The following SLC6A17 variants were observed in gnomAD, a reference collection of about 807,000 sequenced individuals.
SLC6A17 encodes the protein solute carrier family 6 member 17.
In SLC6A17, 21 loss-of-function variants were observed where a neutral mutation model predicts 64.5. The ratio of observed to expected loss-of-function variants is 0.33; its 90% CI spans 0.23 to 0.47. The LOEUF (loss-of-function observed/expected upper bound fraction) is 0.47. Ranked by LOEUF, SLC6A17 falls within the 20% of genes least tolerant of loss-of-function variation. The pLI is 1.00. For synonymous variants in SLC6A17, 372 were observed against 399.5 expected (o/e 0.93, Z 0.82); for missense variants, 682 against 963.2 (o/e 0.71, Z 3.86).
chr1:110,154,927 T>C (rs1655716154), intron 1 of SLC6A17, among the ~76,000 whole-genome samples: 1 of 152,200 alleles, frequency 6.6e-6, no homozygotes, highest in Non-Finnish European at 1.5e-5. Context: ...TGCTTCTTCC[T>C]GGTCTTTTCC....
intron 6 of SLC6A17, 72 bp from the exon 7 acceptor site, chr1:110,191,900 G>C: frequency 1.9e-6 from 3 of 1,556,798 alleles, no homozygotes; most frequent in South Asian, 1.2e-5. Context: ...GCTGAGAAAG[G>C]GGGTGTGCAC....
intron 8 of SLC6A17, among the ~76,000 whole-genome samples, chr1:110,193,027 C>T (rs936467966): frequency 6.6e-6 from 1 of 152,170 alleles, no homozygotes; most frequent in Non-Finnish European, 1.5e-5. Flanking sequence ...CAGAACAGTG[C>T]CTTGACATGG....
At position 110,198,136 on chromosome 1, in the gene SLC6A17, G is replaced by A. The variant is rs201626646; in HGVS notation, c.1876G>A (p.Val626Ile). Residue 626 changes from valine to isoleucine, a missense_variant, in exon 12 of 12, where the codon GTC becomes ATC. Around this residue, in one of 3 missense-constraint regions of SLC6A17, gnomAD observed 264 missense variants for 339.5 expected, o/e 0.78. Coordinates refer to ENST00000331565, the MANE Select transcript of SLC6A17 (RefSeq NM_001010898.4). ...CATGGCACTCCTGATCACCCTCATC[G>A]TCGTGGCGACGCTGCCCATCCCTGT... Reference protein sequence around the residue: ...WAMALLITLIVVATLPIPVVF... With the variant: ...WAMALLITLIIVATLPIPVVF... 141 of 1,613,904 alleles carry A rather than the reference G, an allele frequency of 8.7e-5. No homozygotes were observed. Among genetic ancestry groups the A allele is most frequent in the Non-Finnish European group, 4.4e-5 (52 of 1,179,986 alleles).
chr1:110,166,114 C>G (rs1246315204), intron 1 of SLC6A17: 1 of 152,216 alleles, frequency 6.6e-6, no homozygotes, highest in Non-Finnish European at 1.5e-5. Context: ...CAGAAGTCCT[C>G]AGATAATGTC....
At chr1:110,158,080 G>T (rs1375196620) in intron 1 of SLC6A17, among the ~76,000 whole-genome samples, 2 of 152,134 alleles carry the variant, frequency 1.3e-5, no homozygotes, top group African/African-American at 4.8e-5. Flanking sequence ...TTATATATTT[G>T]TCTGATTTCT....
rs1234809745 is a variant in SLC6A17, at chr1:110,176,679, G to C, written c.804G>C (p.Leu268=). The change falls in exon 6 of 12, where the codon CTG becomes CTC. Residue 268 remains leucine (L), a synonymous_variant. Coordinates refer to ENST00000331565, the MANE Select transcript of SLC6A17 (RefSeq NM_001010898.4). ...LFPYVVLACF[L]VRGLLLRGAV... ...CCTACGTGGTGCTGGCCTGCTTCCTGGTCCGGGGGCTGTTGCTGCGAGGGG... is the reference window on the plus strand; with the variant it reads ...CCTACGTGGTGCTGGCCTGCTTCCTCGTCCGGGGGCTGTTGCTGCGAGGGG... 3 of 1,613,964 alleles carry C rather than the reference G, an allele frequency of 1.9e-6. No homozygotes were observed. Among genetic ancestry groups the C allele is most frequent in the East Asian group, 4.5e-5 (2 of 44,898 alleles).
chr1:110,157,703 C>A (rs1655794726), intron 1 of SLC6A17, among the ~76,000 whole-genome samples: 1 of 152,206 alleles, frequency 6.6e-6, no homozygotes, highest in Admixed American at 6.5e-5. Flanking sequence ...TTCCATGCTC[C>A]TTGAGTCCTG....
In SLC6A17 at chr1:110,194,571, A is replaced by T. The variant is rs1557841639; in HGVS notation, c.1300-8A>T. On this transcript the variant is annotated splice_region_variant and splice_polypyrimidine_tract_variant and intron_variant, in intron 8 of 11. Transcript: ENST00000331565. The stretch of plus-strand genomic sequence containing the variant: ...CCTCACAGGCCCTGCTTTCCACCCC[A>T]CCTTCAGTCCGTGCAGGGCACAGGC... The T allele has an allele frequency of 1.2e-6, 2 of 1,611,118 alleles. No individual in the cohort carries two copies. The highest frequency in any genetic ancestry group is 2.2e-5 in the South Asian group (2 of 91,042).
chr1:110,181,371 C>T (rs1051666496), intron 6 of SLC6A17, among the ~76,000 whole-genome samples: 4 of 152,224 alleles, frequency 2.6e-5, no homozygotes, highest in African/African-American at 7.2e-5. Context: ...TTGTTCATTA[C>T]AGCATTTGTT....
At position 110,198,338 on chromosome 1, in the gene SLC6A17, C is replaced by T. The variant is rs889659900; in HGVS notation, c.2078C>T (p.Ser693Phe). The T allele has an allele frequency of 5.6e-6, 9 of 1,614,062 alleles. No homozygotes were observed. The highest frequency in any genetic ancestry group is 1.7e-5 in the Admixed American group (1 of 60,010). ...CCTTCCCCCATGCCCACTCACCGTT[C>T]CTATCTGGGGCCCGGCAGCACATCA... ...EAPSPMPTHR[S>F]YLGPGSTSPL... Residue 693 changes from serine (S) to phenylalanine (F), a missense_variant, in exon 12 of 12, where the codon TCC (serine) becomes TTC (phenylalanine). This residue lies in a region of SLC6A17 where 264 missense variants were observed against 339.5 expected (regional missense o/e 0.78). Coordinates refer to ENST00000331565, the MANE Select transcript of SLC6A17 (RefSeq NM_001010898.4).
chr1:110,193,685 AG>A (rs1656887189), intron 8 of SLC6A17, among the ~76,000 whole-genome samples: 1 of 152,246 alleles, frequency 6.6e-6, no homozygotes, highest in Non-Finnish European at 1.5e-5. Flanking sequence ...CAAGAGCAAA[AG>A]AGCCCAATCT....
At chr1:110,173,252 C>T (rs1012587921) in intron 3 of SLC6A17, among the ~76,000 whole-genome samples, 1 of 152,232 alleles carries the variant, frequency 6.6e-6, no homozygotes, top group East Asian at 1.9e-4. Flanking sequence ...ACTGATGAAG[C>T]AAGCGGCCCT....
intron 1 of SLC6A17, among the ~76,000 whole-genome samples, chr1:110,155,994 T>C (rs940375982): frequency 2.0e-5 from 3 of 152,324 alleles, no homozygotes; most frequent in Non-Finnish European, 4.4e-5. Context: ...GAGTATTCAT[T>C]GAGGACATGG....
At chr1:110,173,903 T>A in intron 3 of SLC6A17, 70 bp from the exon 4 acceptor site, 2 of 1,528,620 alleles carry the variant, frequency 1.3e-6, no homozygotes, top group South Asian at 1.3e-5. Context: ...GTGCTGGGCC[T>A]CGGGTGGAGC....
At chr1:110,158,909 C>A (rs572108087) in intron 1 of SLC6A17, among the ~76,000 whole-genome samples, 1 of 152,210 alleles carries the variant, frequency 6.6e-6, no homozygotes, top group African/African-American at 2.4e-5. Flanking sequence ...GGGTCTATGG[C>A]AGCTCACCCT....
At chr1:110,153,270 A>G (rs191402964) in intron 1 of SLC6A17, among the ~76,000 whole-genome samples, 12 of 152,236 alleles carry the variant, frequency 7.9e-5, no homozygotes, top group African/African-American at 2.6e-4. Flanking sequence ...TCTATCCATA[A>G]TAGAATTGAA....
At chr1:110,184,184 C>T (rs1015735144) in intron 6 of SLC6A17, among the ~76,000 whole-genome samples, 2 of 152,140 alleles carry the variant, frequency 1.3e-5, no homozygotes, top group Non-Finnish European at 2.9e-5. Flanking sequence ...GATCTTGGCT[C>T]ACTGCAACCT....
At chr1:110,181,655 G>T (rs1461860013) in intron 6 of SLC6A17, among the ~76,000 whole-genome samples, 1 of 152,242 alleles carries the variant, frequency 6.6e-6, no homozygotes, top group Non-Finnish European at 1.5e-5. Context: ...GGTGAGAAGA[G>T]TTGCAATTAT....
chr1:110,168,162 G>A (rs1656123628), intron 2 of SLC6A17: 1 of 152,212 alleles, frequency 6.6e-6, no homozygotes. Flanking sequence ...CTGGTCCTGG[G>A]AAAGTCAACT....
Sources: allele counts gnomAD v4.1 joint callset (sites outside exome capture counted in the v4.1 genomes callset), GRCh38; gene constraint gnomAD v4.1.1; regional missense constraint gnomAD v4.1.1; transcripts MANE v1.5; gene names NCBI Gene and HGNC (gene_info 2026-07-23, HGNC 2026-07-21).